BMAL1: variants seen among roughly 807,000 people sequenced by gnomAD.
BMAL1 encodes basic helix-loop-helix ARNT like 1, also known as basic helix-loop-helix ARNT-like protein 1.
chr11:13,378,192 C>T, the BMAL1 span: 2 of 1,175,890 alleles, frequency 1.7e-6, no homozygotes, highest in Admixed American at 3.5e-5. Context: ...CTTTTCCTGA[C>T]AAGCTGTAGC....
chr11:13,372,764 T>C, the BMAL1 span, among the ~76,000 whole-genome samples: 1 of 152,048 alleles, frequency 6.6e-6, no homozygotes, highest in Non-Finnish European at 1.5e-5. Context: ...TGAGCTGTGA[T>C]TGCACCACTG....
At chr11:13,366,642 T>G in the BMAL1 span, 3 of 1,581,852 alleles carry the variant, frequency 1.9e-6, no homozygotes, top group Non-Finnish European at 2.6e-6. Context: ...TGACTTGTCA[T>G]GTTTAACATT....
chr11:13,349,903 G>C, the BMAL1 span: 1 of 152,184 alleles, frequency 6.6e-6, no homozygotes, highest in African/African-American at 2.4e-5. Flanking sequence ...TTACCTCAAA[G>C]TGACCTGTCT....
At chr11:13,310,628 A>C in the BMAL1 span, among the ~76,000 whole-genome samples, 1 of 152,214 alleles carries the variant, frequency 6.6e-6, no homozygotes, top group Non-Finnish European at 1.5e-5. Context: ...GTAACATGCA[A>C]GCAGCCATAG....
the BMAL1 span, among the ~76,000 whole-genome samples, chr11:13,301,271 A>G: frequency 6.6e-6 from 1 of 152,240 alleles, no homozygotes; most frequent in East Asian, 1.9e-4. Context: ...CTGGTGGCTT[A>G]TTATGTAGAC....
chr11:13,359,798 G>A, the BMAL1 span, among the ~76,000 whole-genome samples: 1 of 152,276 alleles, frequency 6.6e-6, no homozygotes, highest in Admixed American at 6.5e-5. Context: ...GGGAGTGCGA[G>A]CTGCATTGAC....
chr11:13,356,349 G>A, the BMAL1 span: 1 of 480,554 alleles, frequency 2.1e-6, no homozygotes, highest in Non-Finnish European at 4.1e-6. Flanking sequence ...TTTGCAAACA[G>A]AATAAGCTTC....
the BMAL1 span, among the ~76,000 whole-genome samples, chr11:13,303,776 A>T: frequency 4.6e-5 from 7 of 152,136 alleles, no homozygotes; most frequent in Non-Finnish European, 8.8e-5. Context: ...CCTCCCTCCC[A>T]CCCACTGGCC....
At chr11:13,308,685 G>A in the BMAL1 span, among the ~76,000 whole-genome samples, 1 of 152,154 alleles carries the variant, frequency 6.6e-6, no homozygotes, top group African/African-American at 2.4e-5. Context: ...GCTTAACTTT[G>A]CAAATAAGTC....
chr11:13,295,515 G>A, the BMAL1 span, among the ~76,000 whole-genome samples: 1 of 152,114 alleles, frequency 6.6e-6, no homozygotes, highest in African/African-American at 2.4e-5. Context: ...GGGCTTTCTG[G>A]TGGGAAGGGA....
chr11:13,384,843 C>G, the BMAL1 span, among the ~76,000 whole-genome samples: 1 of 152,190 alleles, frequency 6.6e-6, no homozygotes, highest in Admixed American at 6.5e-5. Flanking sequence ...TTTAAGAAAT[C>G]TATTAGTTTT....
chr11:13,327,751 C>T, the BMAL1 span, among the ~76,000 whole-genome samples: 2 of 152,176 alleles, frequency 1.3e-5, no homozygotes, highest in African/African-American at 4.8e-5. Flanking sequence ...AGAGTGGCAA[C>T]AGAAAGGGTT....
chr11:13,384,021 G>GTTTT, the BMAL1 span, among the ~76,000 whole-genome samples: 1 of 152,170 alleles, frequency 6.6e-6, no homozygotes, highest in Non-Finnish European at 1.5e-5. Context: ...AAAACTACTT[G>GTTTT]TGTGATTAAG....
the BMAL1 span, among the ~76,000 whole-genome samples, chr11:13,368,580 C>A: frequency 1.3e-5 from 2 of 152,136 alleles, no homozygotes; most frequent in Non-Finnish European, 2.9e-5. Context: ...GGAGGAAGCC[C>A]AGAAGGAGCC....
At chr11:13,340,296 C>A in the BMAL1 span, among the ~76,000 whole-genome samples, 1 of 152,192 alleles carries the variant, frequency 6.6e-6, no homozygotes, top group East Asian at 1.9e-4. Flanking sequence ...CAGCCCACCC[C>A]TCAGCAGCAG....
the BMAL1 span, among the ~76,000 whole-genome samples, chr11:13,362,088 C>T: frequency 6.6e-6 from 1 of 152,140 alleles, no homozygotes; most frequent in Non-Finnish European, 1.5e-5. Flanking sequence ...ATTGGCTTCC[C>T]CAACAGTGTT....
the BMAL1 span, among the ~76,000 whole-genome samples, chr11:13,286,542 A>G: frequency 6.6e-6 from 1 of 152,204 alleles, no homozygotes; most frequent in African/African-American, 2.4e-5. Flanking sequence ...AAACGTAGAT[A>G]TACTTCGTTG....
chr11:13,299,954 AG>A, the BMAL1 span, among the ~76,000 whole-genome samples: 1 of 152,186 alleles, frequency 6.6e-6, no homozygotes, highest in East Asian at 1.9e-4. Context: ...TGAGTGTCCG[AG>A]GGGCTGAAAG....
chr11:13,332,652 G>A, the BMAL1 span, among the ~76,000 whole-genome samples: 1 of 152,170 alleles, frequency 6.6e-6, no homozygotes, highest in Non-Finnish European at 1.5e-5. Flanking sequence ...TTTTCAAAAG[G>A]CAGATTCTCC....
Sources: allele counts gnomAD v4.1 joint callset (sites outside exome capture counted in the v4.1 genomes callset), GRCh38; gene constraint gnomAD v4.1.1; transcripts MANE v1.5; gene names NCBI Gene and HGNC (gene_info 2026-07-23, HGNC 2026-07-21).